DYNC1I2: variants seen among roughly 807,000 people sequenced by gnomAD.
The protein encoded by DYNC1I2 is dynein cytoplasmic 1 intermediate chain 2.
In DYNC1I2, 53 loss-of-function variants were observed where a neutral mutation model predicts 88.6. That is an observed-to-expected ratio of 0.60 (90% CI 0.48 to 0.75). The LOEUF (loss-of-function observed/expected upper bound fraction) is 0.75, where lower values mean the gene tolerates loss of function less well. DYNC1I2 is among the 30% of genes least tolerant of loss of function. The pLI, the probability that DYNC1I2 is intolerant of heterozygous loss-of-function variation, is 0.00. For missense variants in DYNC1I2, 458 were observed against 766.6 expected (o/e 0.60, Z 4.75); for synonymous variants, 198 against 254.6 (o/e 0.78, Z 2.12).
At chr2:171,725,852 CTG>C in intron 8 of DYNC1I2, 65 bp from the exon 9 acceptor site, 1 of 1,410,622 alleles carries the variant, frequency 7.1e-7, no homozygotes, top group East Asian at 2.3e-5. Context: ...TTGATCCATA[CTG>C]TGATAGTGAG....
intron 2 of DYNC1I2, 85 bp from the exon 3 acceptor site, chr2:171,692,692 A>G: frequency 1.2e-6 from 1 of 836,270 alleles, no homozygotes. Context: ...AAAAGTATAC[A>G]GTGTTAGCAT....
intron 15 of DYNC1I2, among the ~76,000 whole-genome samples, chr2:171,739,698 T>TCTC (rs1559406785): frequency 0.019 from 478 of 25,544 alleles, 5 homozygotes; most frequent in African/African-American, 0.043. Context: ...ACATATCTCT[T>TCTC]TTTTTTTTTT....
At chr2:171,695,718 C>A (rs952825723) in intron 3 of DYNC1I2, among the ~76,000 whole-genome samples, 3 of 152,120 alleles carry the variant, frequency 2.0e-5, no homozygotes, top group African/African-American at 7.2e-5. Flanking sequence ...TGGGGTGTAT[C>A]CCCAAGAATT....
intron 15 of DYNC1I2, among the ~76,000 whole-genome samples, chr2:171,735,438 A>AGCATTTC (rs1285950464): frequency 1.3e-5 from 2 of 152,222 alleles, no homozygotes; most frequent in Non-Finnish European, 1.5e-5. Context: ...TGTTCATTGA[A>AGCATTTC]GCATTTCACA....
chr2:171,711,337 C>T (rs891122014), intron 5 of DYNC1I2, among the ~76,000 whole-genome samples: 7 of 152,102 alleles, frequency 4.6e-5, no homozygotes, highest in Admixed American at 1.3e-4. Context: ...ACTTCTCAAG[C>T]TTTGTACTTG....
rs74668497 is a variant in DYNC1I2, at chr2:171,703,153, C to T, written c.227-3394C>T. 3.5e-3 allele frequency among the ~76,000 whole-genome samples: 527 copies of T among 152,280 alleles called. 2 individuals are homozygous for T. The highest frequency in any genetic ancestry group is 0.012 in the African/African-American group (480 of 41,552). ...AGGCTAGACACCTAAATTTTTGTTC[C>T]ATTATTACTAGGTCATGTCTTACCG... On this transcript the variant is annotated intron_variant, in intron 3 of 17. Transcript: ENST00000397119.
intron 3 of DYNC1I2, among the ~76,000 whole-genome samples, chr2:171,694,103 TCTCGG>T (rs1362121689): frequency 6.6e-6 from 1 of 151,672 alleles, no homozygotes; most frequent in Non-Finnish European, 1.5e-5. Flanking sequence ...AGTGGCACAA[TCTCGG>T]CTCACTGCAA....
At chr2:171,718,417 A>G (rs1406675072) in intron 7 of DYNC1I2, among the ~76,000 whole-genome samples, 3 of 151,992 alleles carry the variant, frequency 2.0e-5, no homozygotes, top group African/African-American at 4.8e-5. Flanking sequence ...TTTGGTTCCA[A>G]TGAATATGTC....
chr2:171,692,955 T>TGTCTG, intron 3 of DYNC1I2, 61 bp downstream of exon 3: 7 of 1,124,706 alleles, frequency 6.2e-6, no homozygotes, highest in South Asian at 1.3e-5. Flanking sequence ...AGCTCAGACA[T>TGTCTG]AGCTGAGTGG....
chr2:171,689,440 G>A (rs1685217288), intron 1 of DYNC1I2, among the ~76,000 whole-genome samples: 1 of 152,154 alleles, frequency 6.6e-6, no homozygotes, highest in African/African-American at 2.4e-5. Context: ...GAATGCAATA[G>A]AATTGGTAAT....
chr2:171,741,322 T>C (rs1200531601), intron 15 of DYNC1I2, among the ~76,000 whole-genome samples: 1 of 152,206 alleles, frequency 6.6e-6, no homozygotes, highest in Admixed American at 6.5e-5. Context: ...TTGGGTCACA[T>C]GGTAACTAAT....
rs531364261 is a variant in DYNC1I2 at position 171,736,723 on chromosome 2, G to T, written c.1536+6870G>T. 3.3e-5 allele frequency among the ~76,000 whole-genome samples: 5 copies of T among 152,044 alleles called. No homozygotes were observed. The East Asian group carries it at 9.6e-4, about 29-fold the overall frequency. ...ATTTCTATTTTAATAGACACATTTG[G>T]TCTCAAAAAGTTAATATATTCAGTC... On this transcript the variant is annotated intron_variant, in intron 15 of 17. Transcript: ENST00000397119.
chr2:171,702,963 G>A (rs567520841), intron 3 of DYNC1I2, among the ~76,000 whole-genome samples: 13 of 152,180 alleles, frequency 8.5e-5, no homozygotes, highest in African/African-American at 3.1e-4. Context: ...GGCTTTAAGC[G>A]ATCCTCCTGC....
chr2:171,706,517 G>A, intron 3 of DYNC1I2, 30 bp from the exon 4 acceptor site: 2 of 1,596,282 alleles, frequency 1.3e-6, no homozygotes, highest in East Asian at 2.2e-5. Context: ...GAATATTTTG[G>A]GTGTCTGTAT....
Position 171,695,123 on chromosome 2 carries a change from G to A in DYNC1I2, c.226+2229G>A, listed in dbSNP as rs534063951. Among the ~76,000 whole-genome samples the A allele has an allele frequency of 8.5e-4, 129 of 150,898 alleles. 1 individual carries two copies. The Middle Eastern group carries it at 0.017, about 20-fold the overall frequency. On this transcript the variant is annotated intron_variant, in intron 3 of 17. Transcript: ENST00000397119. ...TGGTTTTTGGTTTTTTTTTTGAGAC[G>A]GAGTCTTGCCCTGTCGCCCAGGCTG...
At chr2:171,693,401 A>C (rs1049469820) in intron 3 of DYNC1I2, among the ~76,000 whole-genome samples, 4 of 152,238 alleles carry the variant, frequency 2.6e-5, no homozygotes, top group African/African-American at 9.6e-5. Context: ...GATTTGACTT[A>C]ATCTTATTAT....
chr2:171,725,594 G>GTTTTTTTTTTTTTTT, intron 7 of DYNC1I2, 24 bp from the exon 8 acceptor site: 1 of 1,175,310 alleles, frequency 8.5e-7, no homozygotes, highest in Non-Finnish European at 1.1e-6. Flanking sequence ...TTGTTTTTTT[G>GTTTTTTTTTTTTTTT]TTTGTTTTTT....
chr2:171,721,121 T>TAAA (rs1170082849), intron 7 of DYNC1I2, among the ~76,000 whole-genome samples: 7 of 60,788 alleles, frequency 1.2e-4, no homozygotes, highest in African/African-American at 2.7e-4. Context: ...CCCCATCTCT[T>TAAA]AAAAAAAAAA....
At position 171,716,049 on chromosome 2, in the gene DYNC1I2, C is replaced by T. The variant is rs150074903; in HGVS notation, c.511+606C>T. Among the ~76,000 whole-genome samples, 35 of 151,962 alleles carry T rather than the reference C, an allele frequency of 2.3e-4. 1 individual carries two copies. In the East Asian group the frequency reaches 4.8e-3, roughly 21 times the overall value. ...ACCAGAAAGCATTACAAATAGCTAA[C>T]GATTCAAGCATAAAGTACTACGATC... On this transcript the variant is annotated intron_variant, in intron 7 of 17. Transcript: ENST00000397119.
Sources: gnomAD v4.1 joint callset for allele counts (sites outside exome capture counted in the v4.1 genomes callset) on GRCh38, gnomAD v4.1.1 for gene constraint, MANE v1.5 for transcripts, NCBI Gene and HGNC (gene_info 2026-07-23, HGNC 2026-07-21) for gene names.